The following KPTN variants were observed in gnomAD, a reference collection of about 807,000 sequenced individuals.
KPTN encodes kaptin, actin binding protein, also known as KICSTOR complex protein kaptin.
In KPTN, 36 loss-of-function variants were observed where a neutral mutation model predicts 52.6. The observed-to-expected ratio is 0.68, with a 90% CI of 0.52 to 0.90. KPTN has a LOEUF of 0.90. Ranked by LOEUF, KPTN falls within the 40% of genes least tolerant of loss-of-function variation. KPTN has a pLI of 0.00. For missense variants in KPTN, 529 were observed against 576.2 expected (o/e 0.92, Z 0.84); for synonymous variants, 271 against 248.4 (o/e 1.09, Z -0.85).
intron 4 of KPTN, among the ~76,000 whole-genome samples, 163 bp from the exon 5 acceptor site, chr19:47,481,196 G>GT (rs1192874836): frequency 8.5e-5 from 13 of 152,264 alleles, no homozygotes; most frequent in South Asian, 8.3e-4. Context: ...CCTGAGTACT[G>GT]TATCTCCTTG....
intron 9 of KPTN, 23 bp from the exon 10 acceptor site, chr19:47,476,961 A>G (rs1420723182): frequency 7.1e-6 from 11 of 1,550,946 alleles, no homozygotes; most frequent in Non-Finnish European, 9.6e-6. Context: ...AATACAGCAT[A>G]TAGACTGGGG....
In KPTN at chr19:47,476,381, G is replaced by A. The variant is rs1308371717; in HGVS notation, c.1182+151C>T. On this transcript the variant is annotated intron_variant, in intron 11 of 11. Coordinates refer to ENST00000338134, the MANE Select transcript of KPTN (RefSeq NM_007059.4). ...TGCCCCCACCCCAGCTGCTGTGAGCGCTCACAGCTGCCCCTTTCTCCTGGG... is the reference window on the plus strand; with the variant it reads ...TGCCCCCACCCCAGCTGCTGTGAGCACTCACAGCTGCCCCTTTCTCCTGGG... 20 of 357,048 alleles carry A rather than the reference G, an allele frequency of 5.6e-5. 2 individuals are homozygous for A. In the South Asian group the frequency reaches 1.5e-3, roughly 26 times the overall value. The allele number at this position is 357,048 out of a possible 1,614,324, so 22.1% of individuals were successfully genotyped here. A position where few individuals can be genotyped will look rare whatever the true frequency, so the allele number is the denominator to read the frequency against.
At chr19:47,476,752 G>A (rs1244448355) in intron 10 of KPTN, 38 bp from the exon 11 acceptor site, 1 of 1,605,194 alleles carries the variant, frequency 6.2e-7, no homozygotes, top group Admixed American at 1.7e-5. Flanking sequence ...AGGTTGATGG[G>A]GGGACAGTGG....
Position 47,477,781 on chromosome 19 carries a change from T to C in KPTN, c.788A>G (p.Glu263Gly). Residue 263 changes from glutamate (E) to glycine (G), a missense_variant and splice_region_variant, in exon 9 of 12, where the codon GAG (glutamate) becomes GGG (glycine). By Grantham distance (98) the Glu-to-Gly change is moderately conservative. Transcript: ENST00000338134. ...VIVFSLSAAK[E>G]TKDRPLQDEY... ...ATCTTGTAGTGGCCTGTCCTTGGTC[T>C]CTGGAGAAGAAACATGAATGGTAAT... is the stretch of plus-strand genomic sequence containing the variant. 1 of 1,612,348 alleles carries C rather than the reference T, an allele frequency of 6.2e-7. No individual in the cohort carries two copies. The highest frequency in any genetic ancestry group is 8.5e-7 in the Non-Finnish European group (1 of 1,178,594).
upstream of KPTN, among the ~76,000 whole-genome samples, chr19:47,485,048 C>G (rs188884978): frequency 1.3e-5 from 2 of 152,114 alleles, no homozygotes; most frequent in African/African-American, 4.8e-5. Context: ...TTAATACATT[C>G]TTCTTGCCCC....
At chr19:47,475,605 G>A in intron 11 of KPTN, 61 bp from the exon 12 acceptor site, 1 of 1,588,290 alleles carries the variant, frequency 6.3e-7, no homozygotes, top group Non-Finnish European at 8.6e-7. Flanking sequence ...ACCACAGCGG[G>A]ACCGTCTGGA....
Position 47,476,691 on chromosome 19 carries a change from C to T in KPTN, c.1023G>A (p.Arg341=), listed in dbSNP as rs1967679998. 1.2e-6 allele frequency: 2 copies of T among 1,612,438 alleles called. No individual in the cohort carries two copies. Among genetic ancestry groups the T allele is most frequent in the African/African-American group, 2.7e-5 (2 of 74,802 alleles). ...YGQELLCYKY[R]GPESGLPEAQ... The stretch of plus-strand genomic sequence containing the variant: ...CCTCAGGAAGCCCCGACTCTGGGCC[C>T]CGGTACTTATAACACAGCAGTTCCT... The change falls in exon 11 of 12, where the codon CGG becomes CGA. Residue 341 remains arginine, a synonymous_variant. Coordinates refer to ENST00000338134, the MANE Select transcript of KPTN (RefSeq NM_007059.4).
Position 47,484,202 on chromosome 19 carries a change from C to A in KPTN, c.-42G>T. 1 of 1,565,486 alleles carries A rather than the reference C, an allele frequency of 6.4e-7. No individual in the cohort carries two copies. Among genetic ancestry groups the A allele is most frequent in the Non-Finnish European group, 8.6e-7 (1 of 1,161,118 alleles). On this transcript the variant is annotated 5_prime_UTR_variant, in exon 1 of 12. Transcript: ENST00000338134. The stretch of plus-strand genomic sequence containing the variant: ...CCCTCTCCGCAGCCCCCGCCCCAAC[C>A]CGCACTACCCAACCTACGACTCTCT...
At position 47,475,502 on chromosome 19, in the gene KPTN, G is replaced by A. The variant is rs761616995; in HGVS notation, c.1225C>T (p.Arg409Ter). ...CGTCTCCTCTGCTCCACTTGATGTC[G>A]AAGCCGGGTCAAGACCAGCTCTGAG... Reference protein sequence around the residue: ...QASELVLTRLRHQVEQRRRRL... With the variant: ...QASELVLTRL The change falls in exon 12 of 12, where the codon CGA becomes TGA. Residue 409 changes from arginine to a stop codon, truncating the protein, a stop_gained. Coordinates refer to ENST00000338134, the MANE Select transcript of KPTN (RefSeq NM_007059.4). LOFTEE classifies it low-confidence loss of function (END_TRUNC). The A allele has an allele frequency of 3.1e-6, 5 of 1,613,272 alleles. No homozygotes were observed. The South Asian group carries it at 3.3e-5, about 11-fold the overall frequency.
In KPTN at chr19:47,484,189, C is replaced by T. The variant is rs117519543; in HGVS notation, c.-29G>A. On this transcript the variant is annotated 5_prime_UTR_variant, in exon 1 of 12. Coordinates refer to ENST00000338134, the MANE Select transcript of KPTN (RefSeq NM_007059.4). ...CCTCAGTTAAGCACCCTCTCCGCAG[C>T]CCCCGCCCCAACCCGCACTACCCAA... 14,253 of 1,577,998 alleles carry T rather than the reference C, an allele frequency of 9.0e-3. 118 individuals carry two copies. Among genetic ancestry groups the T allele is most frequent in the Non-Finnish European group, 9.2e-3 (10,729 of 1,167,134 alleles).
intron 4 of KPTN, among the ~76,000 whole-genome samples, chr19:47,481,257 T>C (rs767142155): frequency 1.3e-5 from 2 of 152,154 alleles, no homozygotes; most frequent in Non-Finnish European, 2.9e-5. Flanking sequence ...AATCAAGGAA[T>C]GTACCTCCCA....
chr19:47,484,446 C>T, upstream of KPTN: 1 of 527,716 alleles, frequency 1.9e-6, no homozygotes. Context: ...TGGCCACGGC[C>T]TCTCGCTGTA....
intron 4 of KPTN, 143 bp from the exon 5 acceptor site, chr19:47,481,176 G>C (rs1599875884): frequency 1.5e-6 from 1 of 672,586 alleles, no homozygotes; most frequent in East Asian, 2.7e-5. Flanking sequence ...AGAATCTCAG[G>C]GCTCAAGCTC....
chr19:47,480,468 G>A (rs1967839114), intron 6 of KPTN, 61 bp from the exon 7 acceptor site: 2 of 1,253,692 alleles, frequency 1.6e-6, no homozygotes, highest in Non-Finnish European at 2.2e-6. Context: ...CCGCCCCTCT[G>A]CCTCCCCAGG....
chr19:47,476,086 T>C (rs1413381246), intron 11 of KPTN: 1 of 150,342 alleles, frequency 6.7e-6, no homozygotes, highest in African/African-American at 2.5e-5. Flanking sequence ...GGTGGGCGGA[T>C]GACTTGAGGC....
intron 4 of KPTN, 123 bp downstream of exon 4, chr19:47,483,038 C>T (rs1047984399): frequency 9.5e-7 from 1 of 1,054,254 alleles, no homozygotes; most frequent in Non-Finnish European, 1.5e-6. Flanking sequence ...TAATCTAGTA[C>T]AACCTCTTTA....
At chr19:47,477,576 T>C (rs1967715394) in intron 9 of KPTN, 130 bp downstream of exon 9, 2 of 571,942 alleles carry the variant, frequency 3.5e-6, no homozygotes, top group African/African-American at 3.8e-5. Flanking sequence ...CACCCCTGGG[T>C]CACGAGTATC....
chr19:47,483,814 C>T, intron 1 of KPTN, 121 bp downstream of exon 1: 1 of 1,363,680 alleles, frequency 7.3e-7, no homozygotes, highest in South Asian at 1.4e-5. Context: ...ATCCCAGTGA[C>T]CCCCTTAAAA....
chr19:47,483,645 A>T, intron 1 of KPTN, 61 bp from the exon 2 acceptor site: 3 of 1,267,202 alleles, frequency 2.4e-6, no homozygotes, highest in Non-Finnish European at 3.3e-6. Flanking sequence ...TCTCCCCAAC[A>T]TGGTGAGCTC....
Sources: allele counts gnomAD v4.1 joint callset (sites outside exome capture counted in the v4.1 genomes callset), GRCh38; gene constraint gnomAD v4.1.1; transcripts MANE v1.5; gene names NCBI Gene and HGNC (gene_info 2026-07-23, HGNC 2026-07-21).